GLG1: variants seen among roughly 807,000 people sequenced by gnomAD.
GLG1 encodes the protein golgi glycoprotein 1, also known as Golgi apparatus protein 1.
GLG1 carries 38 observed loss-of-function variants against 160.5 expected under a neutral mutation model. The ratio of observed to expected loss-of-function variants is 0.24; its 90% CI spans 0.18 to 0.31. The LOEUF (loss-of-function observed/expected upper bound fraction) is 0.31, where lower values mean the gene tolerates loss of function less well. Among genes scored for constraint, GLG1 ranks in the 10% least tolerant of loss-of-function variants. The pLI is 1.00. For synonymous variants in GLG1, 644 were observed against 543.4 expected, an observed-to-expected ratio of 1.19 and a Z score of -2.57; for missense variants, 1,373 against 1,505.2, an observed-to-expected ratio of 0.91 and a Z score of 1.45.
At chr16:74,547,555 A>T (rs1460813352) in intron 1 of GLG1, among the ~76,000 whole-genome samples, 2 of 152,254 alleles carry the variant, frequency 1.3e-5, no homozygotes, top group Non-Finnish European at 2.9e-5. Flanking sequence ...GGAATTGTTC[A>T]TTCTAATTCC....
rs1482063180 is a variant in GLG1 at position 74,480,289 on chromosome 16, G to C, written c.1779C>G (p.Phe593Leu). 2 of 1,613,134 alleles carry C rather than the reference G, an allele frequency of 1.2e-6. No individual in the cohort carries two copies. Among genetic ancestry groups the C allele is most frequent in the Admixed American group, 1.7e-5 (1 of 60,014 alleles). Residue 593 changes from phenylalanine (F) to leucine (L), a missense_variant, in exon 11 of 26, where the codon TTC becomes TTG. This residue lies in a region of GLG1 where 386 missense variants were observed against 388.5 expected (regional missense o/e 0.99). Coordinates refer to ENST00000422840, the MANE Select transcript of GLG1 (RefSeq NM_001145667.2). ...GGTAGGCGTGTCTGTATAAACAAGA[G>C]AACACAGCTCCCTGAGGCATAAATT... is the stretch of plus-strand genomic sequence containing the variant. ...TSEFMPQGAV[F>L]SCLYRHAYRT...
intron 1 of GLG1, among the ~76,000 whole-genome samples, chr16:74,602,510 G>A (rs777383441): frequency 5.3e-5 from 8 of 152,324 alleles, no homozygotes; most frequent in South Asian, 2.1e-4. Context: ...GGGGCTGGGC[G>A]CGGTGACTCA....
At chr16:74,478,701 C>T (rs961321961) in intron 11 of GLG1, among the ~76,000 whole-genome samples, 1 of 151,572 alleles carries the variant, frequency 6.6e-6, no homozygotes, top group African/African-American at 2.4e-5. Context: ...CACCTGAGGT[C>T]TGGAGTTCGA....
intron 4 of GLG1, among the ~76,000 whole-genome samples, chr16:74,503,197 ACT>A (rs1233408015): frequency 1.3e-5 from 2 of 151,164 alleles, no homozygotes; most frequent in East Asian, 4.0e-4. Flanking sequence ...ACAGAGGGAG[ACT>A]CTGTTTCAAA....
rs1597370539 is a variant in GLG1, at chr16:74,582,672, A to T, written c.438+23985T>A. Among the ~76,000 whole-genome samples, 3 of 151,468 alleles carry T rather than the reference A, an allele frequency of 2.0e-5. No individual in the cohort carries two copies. The Middle Eastern group carries it at 0.01, about 522-fold the overall frequency. The stretch of plus-strand genomic sequence containing the variant: ...TGTCTCTACTAAAAATACAAAAATT[A>T]GCCGGGCGTGGTGGCGGGCGCCTAT... On this transcript the variant is annotated intron_variant, in intron 1 of 25. Transcript: ENST00000422840.
At position 74,542,756 on chromosome 16, in the gene GLG1, A is replaced by AGGAAGGAAGGAAG. The variant is rs1567514052; in HGVS notation, c.439-10616_439-10604dup. The stretch of plus-strand genomic sequence containing the variant: ...AAGGGAGGAAGGAAGGAAGGAAGGA[A>AGGAAGGAAGGAAG]GGAAGGAAGGAAGGAAGGAAGGAAG... On this transcript the variant is annotated intron_variant, in intron 1 of 25. Transcript: ENST00000422840. 1.9e-4 allele frequency among the ~76,000 whole-genome samples: 10 copies of AGGAAGGAAGGAAG among 52,208 alleles called. 1 individual carries two copies. The highest frequency in any genetic ancestry group is 7.9e-4 in the African/African-American group (9 of 11,438). The allele number at this position is 52,208 out of a possible 152,430, so 34.3% of individuals were successfully genotyped here.
intron 1 of GLG1, among the ~76,000 whole-genome samples, chr16:74,592,531 T>C (rs1214100564): frequency 6.6e-6 from 1 of 152,092 alleles, no homozygotes; most frequent in African/African-American, 2.4e-5. Flanking sequence ...ATTTCACACT[T>C]CTCTTAAGGC....
chr16:74,508,488 T>G (rs533061142), intron 3 of GLG1, among the ~76,000 whole-genome samples: 1 of 152,298 alleles, frequency 6.6e-6, no homozygotes, highest in Non-Finnish European at 1.5e-5. Context: ...TCCAGCTGCA[T>G]AGCCAAAACA....
intron 22 of GLG1, 126 bp from the exon 23 acceptor site, chr16:74,459,915 GTGCGATCTCGGCTCAC>G: frequency 1.9e-6 from 1 of 539,968 alleles, no homozygotes; most frequent in Admixed American, 3.7e-5. Flanking sequence ...CAGTGCAGTG[GTGCGATCTCGGCTCAC>G]TGCAACCTCT....
At chr16:74,478,585 T>C (rs2015476644) in intron 11 of GLG1, among the ~76,000 whole-genome samples, 1 of 152,152 alleles carries the variant, frequency 6.6e-6, no homozygotes, top group Admixed American at 6.6e-5. Context: ...CACAACACTG[T>C]AAATGTACTA....
chr16:74,493,491 A>G (rs2016076268), intron 6 of GLG1, among the ~76,000 whole-genome samples: 1 of 152,242 alleles, frequency 6.6e-6, no homozygotes, highest in South Asian at 2.1e-4. Context: ...TTTCACTAGC[A>G]TCAAACTGGC....
intron 1 of GLG1, among the ~76,000 whole-genome samples, chr16:74,578,996 G>A (rs916862770): frequency 1.3e-5 from 2 of 152,136 alleles, no homozygotes; most frequent in Non-Finnish European, 2.9e-5. Flanking sequence ...CCATATGAAT[G>A]GGTTGGAATC....
At chr16:74,480,599 C>A (rs1261073543) in intron 10 of GLG1, among the ~76,000 whole-genome samples, 1 of 151,802 alleles carries the variant, frequency 6.6e-6, no homozygotes, top group Non-Finnish European at 1.5e-5. Flanking sequence ...ATCTGTCACC[C>A]AGGCTGGAGT....
chr16:74,480,379 C>A lies in GLG1; in HGVS notation c.1689G>T (p.Leu563=). The change falls in exon 11 of 26, where the codon CTG becomes CTT. Residue 563 remains leucine (L), a synonymous_variant. Transcript: ENST00000422840. ...AAGCGTCTCCCTGGCACTTGCGGTA[C>A]AGGACAGGGTCCAGCCTATAAGGTT... The part of the protein sequence containing the change: ...ISRDWKLDPV[L]YRKCQGDASR... 1.9e-6 allele frequency: 3 copies of A among 1,612,916 alleles called. No individual in the cohort carries two copies. The highest frequency in any genetic ancestry group is 2.5e-6 in the Non-Finnish European group (3 of 1,179,064).
chr16:74,506,289 T>C (rs550436115), intron 3 of GLG1, among the ~76,000 whole-genome samples: 37 of 151,214 alleles, frequency 2.4e-4, no homozygotes, highest in Non-Finnish European at 5.2e-4. Context: ...TTTTAAAACA[T>C]CTCAAGAGGC....
At position 74,477,645 on chromosome 16, in the gene GLG1, C is replaced by T. The variant is rs2015432641; in HGVS notation, c.1828-112G>A. On this transcript the variant is annotated intron_variant, in intron 11 of 25. Transcript: ENST00000422840. ...ACAAATAACCCTGTATTTTATCTCC[C>T]AAATTTTATACCTCAAATATCTTCC... 1.2e-5 allele frequency: 9 copies of T among 738,152 alleles called. No homozygotes were observed. The South Asian group carries it at 1.3e-4, about 11-fold the overall frequency. 45.7% of individuals were successfully genotyped at this position (738,152 alleles called of 1,614,324 possible).
At chr16:74,519,063 T>C (rs1017813043) in intron 2 of GLG1, among the ~76,000 whole-genome samples, 8 of 152,170 alleles carry the variant, frequency 5.3e-5, no homozygotes, top group African/African-American at 1.7e-4. Flanking sequence ...CTATTCACAA[T>C]AGCAAAGACT....
intron 1 of GLG1, among the ~76,000 whole-genome samples, chr16:74,597,041 C>T (rs1450293195): frequency 6.6e-6 from 1 of 151,968 alleles, no homozygotes; most frequent in Non-Finnish European, 1.5e-5. Flanking sequence ...ATCACTCGTG[C>T]TCGGGAGGCA....
chr16:74,560,619 C>A (rs1468215298), intron 1 of GLG1, among the ~76,000 whole-genome samples: 2 of 152,186 alleles, frequency 1.3e-5, no homozygotes, highest in Non-Finnish European at 2.9e-5. Context: ...GGATTACAGG[C>A]ATGAGCCACT....
Sources: allele counts gnomAD v4.1 joint callset (sites outside exome capture counted in the v4.1 genomes callset), GRCh38; gene constraint gnomAD v4.1.1; regional missense constraint gnomAD v4.1.1; transcripts MANE v1.5; gene names NCBI Gene and HGNC (gene_info 2026-07-23, HGNC 2026-07-21).